Variants in CLYBL observed in about 807,000 individuals in gnomAD.
CLYBL encodes citramalyl-CoA lyase, mitochondrial.
CLYBL carries 31 observed loss-of-function variants against 38.9 expected under a neutral mutation model. That is an observed-to-expected ratio of 0.80 (90% CI 0.60 to 1.08). CLYBL has a LOEUF of 1.08. CLYBL is among the 50% of genes least tolerant of loss of function. The pLI is 0.00. For missense variants in CLYBL, 434 were observed against 411.6 expected, an observed-to-expected ratio of 1.05 and a Z score of -0.47; for synonymous variants, 171 against 158.6, an observed-to-expected ratio of 1.08 and a Z score of -0.59.
At chr13:99,882,600 G>C (rs963934732) in intron 7 of CLYBL, among the ~76,000 whole-genome samples, 5 of 152,014 alleles carry the variant, frequency 3.3e-5, no homozygotes, top group Non-Finnish European at 5.9e-5. Flanking sequence ...GGAAGTCAAG[G>C]CTACGATGAG....
chr13:99,796,322 A>G (rs945112787), intron 2 of CLYBL, among the ~76,000 whole-genome samples: 1 of 152,100 alleles, frequency 6.6e-6, no homozygotes, highest in Non-Finnish European at 1.5e-5. Context: ...ATTTTGGCCC[A>G]TTCCTAAACT....
At chr13:99,654,882 G>GTA (rs1566600481) in intron 1 of CLYBL, among the ~76,000 whole-genome samples, 2 of 151,874 alleles carry the variant, frequency 1.3e-5, no homozygotes, top group Non-Finnish European at 2.9e-5. Context: ...GCGGGCGCCT[G>GTA]TAGTCCCAGC....
At chr13:99,722,005 A>G (rs2048400628) in intron 1 of CLYBL, among the ~76,000 whole-genome samples, 1 of 152,146 alleles carries the variant, frequency 6.6e-6, no homozygotes, top group Non-Finnish European at 1.5e-5. Flanking sequence ...GTGATTTCCA[A>G]CCCATCTGGG....
intron 1 of CLYBL, among the ~76,000 whole-genome samples, chr13:99,750,836 T>TC (rs2048943154): frequency 6.6e-6 from 1 of 151,968 alleles, no homozygotes; most frequent in Non-Finnish European, 1.5e-5. Flanking sequence ...TATATCTTTT[T>TC]TTCTGGTTGT....
intron 2 of CLYBL, among the ~76,000 whole-genome samples, chr13:99,837,653 A>G (rs1053485165): frequency 6.6e-6 from 1 of 152,134 alleles, no homozygotes; most frequent in Non-Finnish European, 1.5e-5. Flanking sequence ...CACGTGCTCA[A>G]GGGGCTGCTG....
intron 1 of CLYBL, among the ~76,000 whole-genome samples, chr13:99,672,456 C>G (rs1391408549): frequency 6.6e-6 from 1 of 152,046 alleles, no homozygotes; most frequent in Non-Finnish European, 1.5e-5. Context: ...TCTCTGTCAC[C>G]TAGTGTATTT....
chr13:99,736,209 T>TA (rs2048666063), intron 1 of CLYBL, among the ~76,000 whole-genome samples: 1 of 151,894 alleles, frequency 6.6e-6, no homozygotes, highest in Non-Finnish European at 1.5e-5. Flanking sequence ...CACGCCCAGC[T>TA]AATTTTTGTA....
intron 1 of CLYBL, among the ~76,000 whole-genome samples, chr13:99,626,777 T>A (rs975071029): frequency 6.6e-6 from 1 of 152,148 alleles, no homozygotes; most frequent in Admixed American, 6.6e-5. Context: ...AAATGTCAAT[T>A]ACCAAAAAAG....
chr13:99,715,887 G>A (rs1199517774), intron 1 of CLYBL, among the ~76,000 whole-genome samples: 1 of 152,078 alleles, frequency 6.6e-6, no homozygotes, highest in African/African-American at 2.4e-5. Context: ...TCTCTTATAA[G>A]GGATTGATTC....
intron 2 of CLYBL, among the ~76,000 whole-genome samples, chr13:99,854,363 G>A (rs1440689499): frequency 6.6e-6 from 1 of 150,984 alleles, no homozygotes; most frequent in Non-Finnish European, 1.5e-5. Context: ...TTATAAATAA[G>A]CCCAAGGGGC....
chr13:99,714,577 AC>A (rs2048284109), intron 1 of CLYBL, among the ~76,000 whole-genome samples: 2 of 152,050 alleles, frequency 1.3e-5, no homozygotes, highest in Admixed American at 1.3e-4. Context: ...AGACTGCGCC[AC>A]TGCACTTCCT....
chr13:99,890,609 GC>G (rs2052464633), intron 7 of CLYBL, among the ~76,000 whole-genome samples: 1 of 152,090 alleles, frequency 6.6e-6, no homozygotes, highest in Non-Finnish European at 1.5e-5. Context: ...GGGAGTACAG[GC>G]GTGCACCACT....
intron 7 of CLYBL, among the ~76,000 whole-genome samples, chr13:99,884,450 T>G (rs1255593094): frequency 6.6e-6 from 1 of 152,158 alleles, no homozygotes; most frequent in East Asian, 1.9e-4. Flanking sequence ...ACCCTTCACA[T>G]GTCAGTTTAA....
intron 2 of CLYBL, among the ~76,000 whole-genome samples, chr13:99,807,660 G>C (rs1205860203): frequency 6.6e-6 from 1 of 152,072 alleles, no homozygotes; most frequent in African/African-American, 2.4e-5. Context: ...AGGGGCCGGG[G>C]GGGAAGGAGG....
intron 7 of CLYBL, among the ~76,000 whole-genome samples, chr13:99,883,347 C>G (rs1314919313): frequency 1.3e-5 from 2 of 151,880 alleles, no homozygotes; most frequent in Non-Finnish European, 2.9e-5. Context: ...GGTGAAACCC[C>G]ATCTCTACTA....
At chr13:99,679,163 G>A (rs1209980196) in intron 1 of CLYBL, among the ~76,000 whole-genome samples, 2 of 151,738 alleles carry the variant, frequency 1.3e-5, no homozygotes, top group African/African-American at 4.8e-5. Context: ...GTGTGGTGGC[G>A]GGCGCCTGTG....
At chr13:99,876,052 T>C (rs2052030533) in intron 7 of CLYBL, among the ~76,000 whole-genome samples, 1 of 147,660 alleles carries the variant, frequency 6.8e-6, no homozygotes, top group Non-Finnish European at 1.5e-5. Flanking sequence ...ATTGAAATCA[T>C]ATCATATTCT....
intron 1 of CLYBL, among the ~76,000 whole-genome samples, chr13:99,712,365 C>G (rs1306678563): frequency 7.1e-6 from 1 of 141,122 alleles, no homozygotes; most frequent in Admixed American, 7.4e-5. Flanking sequence ...GACAGGGTCT[C>G]GCTCTATAGC....
chr13:99,807,259 C>T (rs1050747700), intron 2 of CLYBL, among the ~76,000 whole-genome samples: 37 of 152,136 alleles, frequency 2.4e-4, no homozygotes, highest in Non-Finnish European at 4.9e-4. Context: ...TTGATAGGTG[C>T]GTTCTTTATG....
Sources: gnomAD v4.1 joint callset for allele counts (sites outside exome capture counted in the v4.1 genomes callset) on GRCh38, gnomAD v4.1.1 for gene constraint, MANE v1.5 for transcripts, NCBI Gene and HGNC (gene_info 2026-07-23, HGNC 2026-07-21) for gene names.